Variants in MAP3K14 observed in about 807,000 individuals in gnomAD.
MAP3K14 encodes mitogen-activated protein kinase kinase kinase 14.
Under a neutral mutation model 99.2 loss-of-function variants are expected in MAP3K14, and 16 were observed. That is an observed-to-expected ratio of 0.16 (90% confidence interval 0.11 to 0.24). The LOEUF (loss-of-function observed/expected upper bound fraction) is 0.24, where lower values mean the gene tolerates loss of function less well. MAP3K14 is among the 10% of genes least tolerant of loss of function. The probability of loss-of-function intolerance (pLI) is 1.00; values close to 1 mark genes in which losing one functional copy is unlikely to be tolerated. For missense variants in MAP3K14, 784 were observed against 1,208.7 expected (o/e 0.65, Z 5.21); for synonymous variants, 462 against 492.4 (o/e 0.94, Z 0.82).
Position 45,270,515 on chromosome 17 carries a change from G to A in MAP3K14, c.1870C>T (p.Pro624Ser), listed in dbSNP as rs1275674804. ...PVREIPPSCA[P>S]LTAQAIQEGL... ...TCTTGGATGGCCTGGGCTGTGAGAG[G>A]GGCGCAGGAGGGTGGGATCTCCCTC... Residue 624 changes from proline (P) to serine (S), a missense_variant, in exon 11 of 16, where the codon CCT becomes TCT. Around this residue, in one of 5 missense-constraint regions of MAP3K14, gnomAD observed 200 missense variants for 367.9 expected, o/e 0.54. Coordinates refer to ENST00000344686, the MANE Select transcript of MAP3K14 (RefSeq NM_003954.5). 1.9e-6 allele frequency: 3 copies of A among 1,583,454 alleles called. No individual in the cohort carries two copies. Among genetic ancestry groups the A allele is most frequent in the Non-Finnish European group, 2.6e-6 (3 of 1,167,410 alleles).
intron 6 of MAP3K14, among the ~76,000 whole-genome samples, chr17:45,276,536 G>A (rs1262558005): frequency 3.3e-5 from 5 of 151,700 alleles, no homozygotes; most frequent in Non-Finnish European, 5.9e-5. Flanking sequence ...TTTTGAGACA[G>A]AGTCTCGCTG....
intron 11 of MAP3K14, among the ~76,000 whole-genome samples, chr17:45,269,409 C>T (rs1287817789): frequency 6.6e-6 from 1 of 152,210 alleles, no homozygotes; most frequent in East Asian, 1.9e-4. Flanking sequence ...TATCTTTAAC[C>T]CCATTTCTGG....
At chr17:45,273,732 G>T in intron 8 of MAP3K14, 125 bp from the exon 9 acceptor site, 1 of 745,356 alleles carries the variant, frequency 1.3e-6, no homozygotes. Context: ...GGCAGCTGCT[G>T]CTTCTGATTA....
Position 45,263,313 on chromosome 17 carries a change from C to T in MAP3K14, c.*1323G>A, listed in dbSNP as rs12936156. ...AAGATGTGGGAATGAGCTTCTCCCACGGAGTCTCGGCGTCCCCTGCCCCAG... is the reference window on the plus strand; with the variant it reads ...AAGATGTGGGAATGAGCTTCTCCCATGGAGTCTCGGCGTCCCCTGCCCCAG... On this transcript the variant is annotated 3_prime_UTR_variant, in exon 16 of 16. Transcript: ENST00000344686. The T allele has an allele frequency of 3.6e-3, 550 of 152,620 alleles. 1 individual carries two copies. The highest frequency in any genetic ancestry group is 4.5e-3 in the Non-Finnish European group (307 of 68,070). 9.5% of individuals were successfully genotyped at this position (152,620 alleles called of 1,614,324 possible).
At chr17:45,283,221 C>T (rs931928352) in intron 6 of MAP3K14, among the ~76,000 whole-genome samples, 1 of 152,218 alleles carries the variant, frequency 6.6e-6, no homozygotes, top group Non-Finnish European at 1.5e-5. Context: ...CTCACACTCT[C>T]CTCCCACCAC....
intron 6 of MAP3K14, among the ~76,000 whole-genome samples, chr17:45,275,185 G>A (rs966622706): frequency 1.1e-4 from 17 of 151,540 alleles, no homozygotes; most frequent in East Asian, 1.9e-4. Context: ...CATTCCAGCC[G>A]GGCGCGGTGG....
chr17:45,264,517 C>T lies in MAP3K14; in HGVS notation c.*119G>A. Reference sequence around the variant, plus strand: ...TTGCTGCTGCGAGGCCCTGGTCCCACTGCTGAGCCGGGGGCTGGCAGATCC... The same window carrying T: ...TTGCTGCTGCGAGGCCCTGGTCCCATTGCTGAGCCGGGGGCTGGCAGATCC... On this transcript the variant is annotated 3_prime_UTR_variant, in exon 16 of 16. Transcript: ENST00000344686. The T allele has an allele frequency of 7.6e-7, 1 of 1,321,334 alleles. No individual in the cohort carries two copies. The highest frequency in any genetic ancestry group is 1.0e-6 in the Non-Finnish European group (1 of 997,416). 81.9% of individuals were successfully genotyped at this position (1,321,334 alleles called of 1,614,324 possible).
chr17:45,270,809 C>A, intron 10 of MAP3K14: 1 of 746,856 alleles, frequency 1.3e-6, no homozygotes, highest in Non-Finnish European at 2.2e-6. Context: ...CGTTAGGAGG[C>A]AGGTGGATGG....
In MAP3K14 at chr17:45,263,809, T is replaced by C. The variant is rs1273825045; in HGVS notation, c.*827A>G. Reference sequence around the variant, plus strand: ...CCACAGACTGTTCCTGTCAGGCATATCCTGCATCACCCTTCACCTTTACAG... The same window carrying C: ...CCACAGACTGTTCCTGTCAGGCATACCCTGCATCACCCTTCACCTTTACAG... On this transcript the variant is annotated 3_prime_UTR_variant, in exon 16 of 16. Transcript: ENST00000344686. The C allele has an allele frequency of 2.6e-5, 4 of 152,430 alleles. No homozygotes were observed. The highest frequency in any genetic ancestry group is 5.9e-5 in the Non-Finnish European group (4 of 68,122). 9.4% of individuals were successfully genotyped at this position (152,430 alleles called of 1,614,324 possible).
chr17:45,265,221 T>G lies in MAP3K14; in HGVS notation c.2621A>C (p.His874Pro). The change falls in exon 15 of 16, where the codon CAC (histidine) becomes CCC (proline). Residue 874 changes from histidine to proline, a missense_variant. Physicochemically the swap from His to Pro is moderately conservative, Grantham distance 77. Around this residue, in one of 5 missense-constraint regions of MAP3K14, gnomAD observed 130 missense variants for 220.4 expected, o/e 0.59. Coordinates refer to ENST00000344686, the MANE Select transcript of MAP3K14 (RefSeq NM_003954.5). The stretch of plus-strand genomic sequence containing the variant: ...TTTGACCCGGTGGAACTCCCGGATG[T>G]GCAGGTGTTCACCATTAAGAGACTG... The part of the protein sequence containing the change: ...QIQSLNGEHL[H>P]IREFHRVKVG... 3 of 1,613,924 alleles carry G rather than the reference T, an allele frequency of 1.9e-6. No homozygotes were observed. Among genetic ancestry groups the G allele is most frequent in the Non-Finnish European group, 2.5e-6 (3 of 1,179,876 alleles).
At chr17:45,284,364 G>T (rs1204777518) in intron 6 of MAP3K14, among the ~76,000 whole-genome samples, 1 of 152,246 alleles carries the variant, frequency 6.6e-6, no homozygotes, top group Admixed American at 6.5e-5. Context: ...GACTCTGGCA[G>T]ATCTGCCCAC....
At chr17:45,296,150 C>A (rs2044345076) in intron 1 of MAP3K14, among the ~76,000 whole-genome samples, 1 of 152,014 alleles carries the variant, frequency 6.6e-6, no homozygotes, top group Non-Finnish European at 1.5e-5. Context: ...GGTTGAAAAC[C>A]AATCTTCTCC....
chr17:45,275,442 C>T (rs1331110846), intron 6 of MAP3K14, among the ~76,000 whole-genome samples: 3 of 148,676 alleles, frequency 2.0e-5, no homozygotes, highest in Admixed American at 1.4e-4. Flanking sequence ...CGAGGTCGCA[C>T]CACTGCGCTC....
intron 14 of MAP3K14, 57 bp from the exon 15 acceptor site, chr17:45,265,320 G>A: frequency 1.7e-6 from 2 of 1,199,090 alleles, no homozygotes; most frequent in Non-Finnish European, 2.5e-6. Flanking sequence ...CCAAGGACCA[G>A]GGTCCTGGCA....
chr17:45,264,337 C>G lies in MAP3K14; in HGVS notation c.*299G>C, dbSNP rs1188527001. The G allele has an allele frequency of 2.2e-5, 7 of 311,550 alleles. No homozygotes were observed. In the East Asian group the frequency reaches 4.4e-4, roughly 20 times the overall value. The allele number at this position is 311,550 out of a possible 1,614,324, so 19.3% of individuals were successfully genotyped here. A position where few individuals can be genotyped will look rare whatever the true frequency, so the allele number is the denominator to read the frequency against. On this transcript the variant is annotated 3_prime_UTR_variant, in exon 16 of 16. Coordinates refer to ENST00000344686, the MANE Select transcript of MAP3K14 (RefSeq NM_003954.5). The stretch of plus-strand genomic sequence containing the variant: ...GGTCACTGATCCAAGCGGGTCAGGC[C>G]AACTCGACTGGAGCAGGGCAGAGAA...
chr17:45,315,564 G>C (rs2044524000), intron 1 of MAP3K14, among the ~76,000 whole-genome samples: 1 of 152,172 alleles, frequency 6.6e-6, no homozygotes, highest in African/African-American at 2.4e-5. Context: ...AAAACACCAA[G>C]AGTAAATCCA....
rs768796911 is a variant in MAP3K14, at chr17:45,270,943, T to C, written c.1821+115A>G. The stretch of plus-strand genomic sequence containing the variant: ...TATTTGAATTAGGATCCCACATGGA[T>C]GACCAGGCCTCCCCTTGCTCCATCT... On this transcript the variant is annotated intron_variant, in intron 10 of 15. Transcript: ENST00000344686. 5.0e-5 allele frequency: 69 copies of C among 1,377,412 alleles called. No homozygotes were observed. In the Middle Eastern group the frequency reaches 7.0e-4, roughly 14 times the overall value. 85.3% of individuals were successfully genotyped at this position (1,377,412 alleles called of 1,614,324 possible).
At chr17:45,314,234 G>A (rs1052308993) in intron 1 of MAP3K14, among the ~76,000 whole-genome samples, 3 of 152,290 alleles carry the variant, frequency 2.0e-5, no homozygotes, top group East Asian at 1.9e-4. Flanking sequence ...TTTGCCCTAC[G>A]TCTGGCCTTC....
At chr17:45,285,080 G>C (rs1278731805) in intron 5 of MAP3K14, 131 bp from the exon 6 acceptor site, 2 of 978,310 alleles carry the variant, frequency 2.0e-6, no homozygotes, top group Non-Finnish European at 1.5e-6. Context: ...CAACCAGGCA[G>C]CCCTGGGGCG....
Sources: gnomAD v4.1 joint callset for allele counts (sites outside exome capture counted in the v4.1 genomes callset) on GRCh38, gnomAD v4.1.1 for gene constraint, gnomAD v4.1.1 regional missense constraint, MANE v1.5 for transcripts, NCBI Gene and HGNC (gene_info 2026-07-23, HGNC 2026-07-21) for gene names.